AHCYL2: variants seen among roughly 807,000 people sequenced by gnomAD.
AHCYL2 encodes the protein S-adenosylhomocysteine hydrolase-like protein 2.
Under a neutral mutation model 81.4 loss-of-function variants are expected in AHCYL2, and 28 were observed. The ratio of observed to expected loss-of-function variants is 0.34; its 90% CI spans 0.25 to 0.47. The LOEUF (loss-of-function observed/expected upper bound fraction) is 0.47, where lower values mean the gene tolerates loss of function less well. AHCYL2 is among the 20% of genes least tolerant of loss of function. The probability of loss-of-function intolerance (pLI) is 1.00; values close to 1 mark genes in which losing one functional copy is unlikely to be tolerated. For missense variants in AHCYL2, 551 were observed against 785.1 expected, an observed-to-expected ratio of 0.70 and a Z score of 3.56; for synonymous variants, 272 against 290.2, an observed-to-expected ratio of 0.94 and a Z score of 0.64.
intron 1 of AHCYL2, among the ~76,000 whole-genome samples, chr7:129,350,575 C>T (rs1363342964): frequency 6.6e-6 from 1 of 151,802 alleles, no homozygotes; most frequent in Non-Finnish European, 1.5e-5. Flanking sequence ...TTAGTAGAGA[C>T]AGGGTTTCAC....
intron 1 of AHCYL2, among the ~76,000 whole-genome samples, chr7:129,289,197 C>G (rs1796749294): frequency 6.6e-6 from 1 of 152,172 alleles, no homozygotes; most frequent in South Asian, 2.1e-4. Context: ...TCAAGTGATC[C>G]TCCTGCCTCA....
intron 1 of AHCYL2, among the ~76,000 whole-genome samples, chr7:129,251,026 T>C (rs1011093191): frequency 2.0e-5 from 3 of 152,232 alleles, no homozygotes; most frequent in African/African-American, 7.2e-5. Flanking sequence ...TTTTCCCTTC[T>C]ATGGGGAAAG....
At chr7:129,254,694 C>T (rs1215209391) in intron 1 of AHCYL2, among the ~76,000 whole-genome samples, 2 of 152,192 alleles carry the variant, frequency 1.3e-5, no homozygotes, top group African/African-American at 4.8e-5. Flanking sequence ...ATCACTTTGG[C>T]TTTTCTTAAC....
chr7:129,407,394 A>T (rs1424534460), intron 10 of AHCYL2, among the ~76,000 whole-genome samples: 2 of 152,126 alleles, frequency 1.3e-5, no homozygotes, highest in African/African-American at 4.8e-5. Context: ...TAACAAATAC[A>T]TAATTATATA....
intron 5 of AHCYL2, among the ~76,000 whole-genome samples, chr7:129,399,386 G>A (rs1235489885): frequency 3.3e-5 from 5 of 151,490 alleles, no homozygotes; most frequent in African/African-American, 9.7e-5. Context: ...GGCAGAGGTT[G>A]CAGTGAGCCG....
chr7:129,317,095 T>C (rs914839134), intron 1 of AHCYL2, among the ~76,000 whole-genome samples: 2 of 152,232 alleles, frequency 1.3e-5, no homozygotes, highest in African/African-American at 4.8e-5. Flanking sequence ...ACAGTTCTGT[T>C]TCCTGAGGCA....
intron 1 of AHCYL2, among the ~76,000 whole-genome samples, chr7:129,247,351 A>C (rs1469240974): frequency 1.3e-5 from 2 of 152,138 alleles, no homozygotes; most frequent in Non-Finnish European, 2.9e-5. Context: ...CTTATTAGCT[A>C]TTTGTATATC....
intron 1 of AHCYL2, among the ~76,000 whole-genome samples, chr7:129,332,373 T>C (rs1399011588): frequency 1.3e-5 from 2 of 152,234 alleles, no homozygotes; most frequent in Non-Finnish European, 2.9e-5. Context: ...TTGGGTGTAT[T>C]CACTCCTGAA....
At chr7:129,297,631 T>C (rs1797099495) in intron 1 of AHCYL2, among the ~76,000 whole-genome samples, 1 of 152,228 alleles carries the variant, frequency 6.6e-6, no homozygotes, top group Non-Finnish European at 1.5e-5. Context: ...AAGTAACTTT[T>C]TTCTTGTTTA....
intron 1 of AHCYL2, among the ~76,000 whole-genome samples, chr7:129,301,263 C>T (rs989047379): frequency 1.3e-5 from 2 of 152,124 alleles, no homozygotes; most frequent in African/African-American, 4.8e-5. Flanking sequence ...GGTTATTAAT[C>T]CTTTGTCAGA....
intron 1 of AHCYL2, among the ~76,000 whole-genome samples, chr7:129,275,083 C>T (rs893509698): frequency 9.2e-5 from 14 of 152,028 alleles, no homozygotes; most frequent in African/African-American, 1.7e-4. Flanking sequence ...TAAATTTAGC[C>T]GTAGATAACT....
intron 2 of AHCYL2, among the ~76,000 whole-genome samples, chr7:129,388,617 A>G (rs1795309256): frequency 6.6e-6 from 1 of 152,330 alleles, no homozygotes; most frequent in East Asian, 1.9e-4. Flanking sequence ...TTACTTTCCC[A>G]TGGATTCCTT....
intron 12 of AHCYL2, among the ~76,000 whole-genome samples, chr7:129,422,047 T>C (rs1797141834): frequency 6.6e-6 from 1 of 152,278 alleles, no homozygotes; most frequent in Admixed American, 6.5e-5. Flanking sequence ...TTTTAGGCAT[T>C]GCCTGTTGGA....
chr7:129,246,409 C>A (rs781568241), intron 1 of AHCYL2, among the ~76,000 whole-genome samples: 2 of 152,214 alleles, frequency 1.3e-5, no homozygotes, highest in African/African-American at 2.4e-5. Context: ...AGAACATTTT[C>A]ATTTCCCCCA....
In AHCYL2 at chr7:129,228,637, G is replaced by A. The variant is rs765393931; in HGVS notation, c.363+3198G>A. 5.3e-5 allele frequency among the ~76,000 whole-genome samples: 8 copies of A among 152,232 alleles called. No homozygotes were observed. In the South Asian group the frequency reaches 1.4e-3, roughly 28 times the overall value. ...TTCTTCCTTGTGTTCTTGAAAATGA[G>A]TGATAGGAGTGTTGGCGCACAGCAG... On this transcript the variant is annotated intron_variant, in intron 1 of 16. Transcript: ENST00000325006.
chr7:129,283,942 A>G (rs1246098769), intron 1 of AHCYL2, among the ~76,000 whole-genome samples: 1 of 152,220 alleles, frequency 6.6e-6, no homozygotes, highest in Non-Finnish European at 1.5e-5. Context: ...CAAAATCAAA[A>G]TCCAGCTATT....
intron 11 of AHCYL2, among the ~76,000 whole-genome samples, chr7:129,411,164 G>A (rs889131174): frequency 6.6e-6 from 1 of 151,792 alleles, no homozygotes; most frequent in East Asian, 1.9e-4. Context: ...GTAATTCACA[G>A]AGTTTGTACA....
At chr7:129,375,196 G>T (rs1200664435) in intron 1 of AHCYL2, among the ~76,000 whole-genome samples, 1 of 152,150 alleles carries the variant, frequency 6.6e-6, no homozygotes, top group East Asian at 1.9e-4. Context: ...TATAAAAGAT[G>T]CACAATTCAG....
At chr7:129,370,165 A>G (rs1281966376) in intron 1 of AHCYL2, among the ~76,000 whole-genome samples, 1 of 152,158 alleles carries the variant, frequency 6.6e-6, no homozygotes, top group Non-Finnish European at 1.5e-5. Context: ...TATTTCTGTC[A>G]TAGTCCTCAC....
Sources: allele counts gnomAD v4.1 joint callset (sites outside exome capture counted in the v4.1 genomes callset), GRCh38; gene constraint gnomAD v4.1.1; transcripts MANE v1.5; gene names NCBI Gene and HGNC (gene_info 2026-07-23, HGNC 2026-07-21).